Variants in HSD17B12 observed in about 807,000 individuals in gnomAD.
HSD17B12 encodes hydroxysteroid 17-beta dehydrogenase 12.
A neutral mutation model predicts 39.3 loss-of-function variants in HSD17B12; 32 were observed. That is an observed-to-expected ratio of 0.81 (90% CI 0.61 to 1.09). The LOEUF (loss-of-function observed/expected upper bound fraction) is 1.09, where lower values mean the gene tolerates loss of function less well. HSD17B12 is among the 50% of genes least tolerant of loss of function. HSD17B12 has a pLI of 0.00. For missense variants in HSD17B12, 342 were observed against 382.9 expected, an observed-to-expected ratio of 0.89 and a Z score of 0.89; for synonymous variants, 150 against 146.7, an observed-to-expected ratio of 1.02 and a Z score of -0.16.
At chr11:43,759,758 T>C (rs1411456917) in intron 3 of HSD17B12, among the ~76,000 whole-genome samples, 1 of 152,070 alleles carries the variant, frequency 6.6e-6, no homozygotes, top group East Asian at 1.9e-4. Flanking sequence ...GACAGAGTCT[T>C]ACTTTGTCAC....
At chr11:43,698,383 A>G (rs1186902875) in intron 1 of HSD17B12, among the ~76,000 whole-genome samples, 3 of 152,198 alleles carry the variant, frequency 2.0e-5, no homozygotes, top group Non-Finnish European at 2.9e-5. Flanking sequence ...TAGATGCTAT[A>G]TTTTATAGTC....
At chr11:43,628,887 A>G in the HSD17B12 span, among the ~76,000 whole-genome samples, 1 of 152,102 alleles carries the variant, frequency 6.6e-6, no homozygotes, top group African/African-American at 2.4e-5. Flanking sequence ...TTTTTGCAAC[A>G]GCATTTGATT....
At chr11:43,588,615 A>ATTATTC in the HSD17B12 span, among the ~76,000 whole-genome samples, 1 of 148,802 alleles carries the variant, frequency 6.7e-6, no homozygotes, top group African/African-American at 2.4e-5. Context: ...ATTAGCTATT[A>ATTATTC]TTATTATTAT....
upstream of HSD17B12, among the ~76,000 whole-genome samples, chr11:43,679,315 C>G (rs1049489422): frequency 7.9e-5 from 12 of 152,274 alleles, no homozygotes; most frequent in Non-Finnish European, 1.5e-4. Context: ...CTCACCACTC[C>G]TATTCAACAT....
At chr11:43,675,957 C>T (rs1401232583), upstream of HSD17B12, among the ~76,000 whole-genome samples, 1 of 152,028 alleles carries the variant, frequency 6.6e-6, no homozygotes, top group Non-Finnish European at 1.5e-5. Flanking sequence ...ACTAAAAATA[C>T]AAAAATTAGC....
intron 1 of HSD17B12, chr11:43,724,150 C>G (rs1485632247): frequency 6.6e-6 from 1 of 151,672 alleles, no homozygotes; most frequent in Admixed American, 6.6e-5. Context: ...ATTGGGGATT[C>G]TCTTCATGGG....
At chr11:43,609,561 G>A in the HSD17B12 span, among the ~76,000 whole-genome samples, 1 of 151,862 alleles carries the variant, frequency 6.6e-6, no homozygotes, top group African/African-American at 2.4e-5. Flanking sequence ...TGGGGTGGGG[G>A]GTCTTGTTAT....
intron 3 of HSD17B12, 61 bp downstream of exon 3, chr11:43,754,182 C>T (rs1380379800): frequency 1.1e-5 from 13 of 1,143,364 alleles, no homozygotes; most frequent in East Asian, 7.2e-5. Context: ...AGCAGTTATC[C>T]GATACTGACA....
At chr11:43,705,759 C>CTTTTTTTTTTT (rs1950008218) in intron 1 of HSD17B12, among the ~76,000 whole-genome samples, 2 of 102,022 alleles carry the variant, frequency 2.0e-5, no homozygotes, top group Non-Finnish European at 3.7e-5. Flanking sequence ...TTCCTCTCTC[C>CTTTTTTTTTTT]TCTTTTTTTT....
chr11:43,775,855 G>A (rs1043487089), intron 3 of HSD17B12, among the ~76,000 whole-genome samples: 25 of 149,828 alleles, frequency 1.7e-4, no homozygotes, highest in East Asian at 7.8e-4. Flanking sequence ...GAGAATATGC[G>A]GTGTTTGGTT....
the HSD17B12 span, among the ~76,000 whole-genome samples, chr11:43,603,800 G>T: frequency 6.6e-6 from 1 of 151,952 alleles, no homozygotes; most frequent in Non-Finnish European, 1.5e-5. Flanking sequence ...TTAATATCTC[G>T]TTTCTAATAA....
intron 1 of HSD17B12, among the ~76,000 whole-genome samples, chr11:43,687,951 C>A (rs1276386696): frequency 1.3e-5 from 2 of 152,176 alleles, no homozygotes; most frequent in Admixed American, 1.3e-4. Flanking sequence ...GTGGCTCATG[C>A]CTGTAATTCC....
chr11:43,652,907 A>G, the HSD17B12 span, among the ~76,000 whole-genome samples: 1 of 152,170 alleles, frequency 6.6e-6, no homozygotes, highest in African/African-American at 2.4e-5. Flanking sequence ...ATAAGATCAT[A>G]CTATTCATTA....
chr11:43,605,945 G>T, the HSD17B12 span, among the ~76,000 whole-genome samples: 1 of 152,160 alleles, frequency 6.6e-6, no homozygotes, highest in African/African-American at 2.4e-5. Flanking sequence ...TGTGAATACA[G>T]CTGATCTAAT....
chr11:43,815,110 GAAGAGTT>G (rs1951109610), intron 4 of HSD17B12, among the ~76,000 whole-genome samples: 1 of 152,152 alleles, frequency 6.6e-6, no homozygotes, highest in African/African-American at 2.4e-5. Flanking sequence ...AAGGTCTGGA[GAAGAGTT>G]AAGTAATATC....
chr11:43,690,404 A>ATTTTTTTTTTTTTTT lies in HSD17B12; in HGVS notation c.160+9420_160+9434dup, dbSNP rs1206545700. On this transcript the variant is annotated intron_variant, in intron 1 of 10. Transcript: ENST00000278353. ...TATATATATATATATATATATATAT[A>ATTTTTTTTTTTTTTT]TTTTTTTTTTTTTTTTTCTGAGACA... Among the ~76,000 whole-genome samples the ATTTTTTTTTTTTTTT allele has an allele frequency of 4.4e-4, 11 of 24,946 alleles. 1 individual carries two copies. The highest frequency in any genetic ancestry group is 7.7e-4 in the African/African-American group (4 of 5,226). 16.4% of individuals were successfully genotyped at this position (24,946 alleles called of 152,430 possible).
intron 3 of HSD17B12, among the ~76,000 whole-genome samples, chr11:43,760,637 A>G (rs777986604): frequency 2.6e-5 from 4 of 152,210 alleles, no homozygotes; most frequent in Non-Finnish European, 4.4e-5. Flanking sequence ...AAATTTCTAT[A>G]GTTAAGATAT....
chr11:43,587,856 C>T, the HSD17B12 span, among the ~76,000 whole-genome samples: 1 of 152,198 alleles, frequency 6.6e-6, no homozygotes, highest in African/African-American at 2.4e-5. Flanking sequence ...CTACCAGGCA[C>T]AATCATAGCT....
At chr11:43,810,090 GGGGGT>G (rs1470194988) in intron 4 of HSD17B12, among the ~76,000 whole-genome samples, 1 of 152,022 alleles carries the variant, frequency 6.6e-6, no homozygotes, top group African/African-American at 2.4e-5. Flanking sequence ...GTGATCTGTA[GGGGGT>G]TACCCGTATC....
Sources: allele counts gnomAD v4.1 joint callset (sites outside exome capture counted in the v4.1 genomes callset), GRCh38; gene constraint gnomAD v4.1.1; transcripts MANE v1.5; gene names NCBI Gene and HGNC (gene_info 2026-07-23, HGNC 2026-07-21).